Variants in CDKAL1 observed in about 807,000 individuals in gnomAD.
The protein encoded by CDKAL1 is threonylcarbamoyladenosine tRNA methylthiotransferase.
Under a neutral mutation model 68.2 loss-of-function variants are expected in CDKAL1, and 32 were observed. The observed-to-expected ratio is 0.47, with a 90% CI of 0.35 to 0.63. The LOEUF (loss-of-function observed/expected upper bound fraction) is 0.63. Ranked by LOEUF, CDKAL1 falls within the 30% of genes least tolerant of loss-of-function variation. The pLI, the probability that CDKAL1 is intolerant of heterozygous loss-of-function variation, is 0.00. For synonymous variants in CDKAL1, 234 were observed against 244.3 expected, an observed-to-expected ratio of 0.96 and a Z score of 0.39; for missense variants, 606 against 696.7, an observed-to-expected ratio of 0.87 and a Z score of 1.47.
At chr6:20,922,625 C>A (rs967377158) in intron 9 of CDKAL1, among the ~76,000 whole-genome samples, 1 of 152,160 alleles carries the variant, frequency 6.6e-6, no homozygotes, top group Non-Finnish European at 1.5e-5. Context: ...CATTATTAAG[C>A]TTTAATCGAG....
intron 10 of CDKAL1, among the ~76,000 whole-genome samples, chr6:20,969,200 T>C (rs1344573406): frequency 6.6e-6 from 1 of 152,170 alleles, no homozygotes; most frequent in African/African-American, 2.4e-5. Flanking sequence ...TCCAAAAGTT[T>C]ACTAATAGCC....
chr6:20,875,009 A>G (rs114443407), intron 9 of CDKAL1, among the ~76,000 whole-genome samples: 2,020 of 151,846 alleles, frequency 0.013, 32 homozygotes, highest in African/African-American at 0.046. Context: ...AGAATAAATA[A>G]TGTCTAGCAG....
intron 12 of CDKAL1, among the ~76,000 whole-genome samples, chr6:21,086,964 T>G (rs2150964080): frequency 1.3e-5 from 2 of 152,328 alleles, no homozygotes; most frequent in Middle Eastern, 3.4e-3. Flanking sequence ...TATCAAGCAT[T>G]GGTTAAAATG....
chr6:20,613,010 C>T, intron 4 of CDKAL1, among the ~76,000 whole-genome samples: 1 of 145,888 alleles, frequency 6.9e-6, no homozygotes, highest in East Asian at 2.0e-4. Context: ...CACACACACA[C>T]ACACACACAC....
chr6:20,831,294 C>G (rs1156340792), intron 8 of CDKAL1, among the ~76,000 whole-genome samples: 2 of 152,124 alleles, frequency 1.3e-5, no homozygotes, highest in Non-Finnish European at 1.5e-5. Context: ...AAACAGTCGT[C>G]AAGATACTTA....
At chr6:21,072,534 G>A (rs542108284) in intron 12 of CDKAL1, among the ~76,000 whole-genome samples, 15 of 115,110 alleles carry the variant, frequency 1.3e-4, no homozygotes, top group African/African-American at 4.9e-4. Flanking sequence ...TAGCCTGGGC[G>A]ACTGAGCGAG....
chr6:20,824,342 T>TA (rs1419327031), intron 8 of CDKAL1, among the ~76,000 whole-genome samples: 2 of 152,164 alleles, frequency 1.3e-5, no homozygotes, highest in African/African-American at 4.8e-5. Flanking sequence ...ACACATTTAT[T>TA]ATCTCACAGC....
chr6:20,840,000 T>C (rs1778110447), intron 8 of CDKAL1, among the ~76,000 whole-genome samples: 1 of 152,224 alleles, frequency 6.6e-6, no homozygotes, highest in Admixed American at 6.5e-5. Flanking sequence ...CAACTAATCA[T>C]GTATTCTTAC....
rs68174523 is a variant in CDKAL1 at position 20,941,096 on chromosome 6, GA to G, written c.743-14309del. 9.9e-3 allele frequency among the ~76,000 whole-genome samples: 1,126 copies of G among 113,470 alleles called. 10 individuals are homozygous for G. The highest frequency in any genetic ancestry group is 0.086 in the Middle Eastern group (19 of 220). The allele number at this position is 113,470 out of a possible 152,430, so 74.4% of individuals were successfully genotyped here. A position where few individuals can be genotyped will look rare whatever the true frequency, so the allele number is the denominator to read the frequency against. On this transcript the variant is annotated intron_variant, in intron 9 of 15. Coordinates refer to ENST00000274695, the MANE Select transcript of CDKAL1 (RefSeq NM_017774.3). ...ACGGAGCAAGACTCCATCTCAAAAA[GA>G]AAAAAAAAAAAAAGCACATCTTAGT...
chr6:20,821,326 C>T (rs558127115), intron 8 of CDKAL1, among the ~76,000 whole-genome samples: 1 of 152,096 alleles, frequency 6.6e-6, no homozygotes, highest in African/African-American at 2.4e-5. Flanking sequence ...CTAGATGAGA[C>T]ATGGTGGAAA....
At chr6:21,038,530 A>T (rs1293148795) in intron 11 of CDKAL1, among the ~76,000 whole-genome samples, 2 of 152,208 alleles carry the variant, frequency 1.3e-5, no homozygotes, top group Non-Finnish European at 2.9e-5. Context: ...TTTTTGTACC[A>T]ATCTGAAATT....
At chr6:21,076,586 G>A (rs1772088177) in intron 12 of CDKAL1, among the ~76,000 whole-genome samples, 1 of 152,146 alleles carries the variant, frequency 6.6e-6, no homozygotes, top group East Asian at 1.9e-4. Flanking sequence ...TATTTACTCA[G>A]TGTCAGATTT....
At chr6:20,593,700 A>G (rs553904236) in intron 4 of CDKAL1, among the ~76,000 whole-genome samples, 25 of 147,840 alleles carry the variant, frequency 1.7e-4, no homozygotes, top group Non-Finnish European at 3.6e-4. Context: ...GATCTTAGTT[A>G]TTTCTTGTCT....
At chr6:20,866,443 GA>G (rs200431620) in intron 9 of CDKAL1, among the ~76,000 whole-genome samples, 131 of 151,896 alleles carry the variant, frequency 8.6e-4, no homozygotes, top group Non-Finnish European at 1.5e-3. Flanking sequence ...AATACACTCA[GA>G]AAAAAAACTG....
intron 10 of CDKAL1, among the ~76,000 whole-genome samples, chr6:20,983,458 C>T (rs554661150): frequency 5.3e-5 from 8 of 152,290 alleles, no homozygotes; most frequent in East Asian, 3.9e-4. Context: ...CAGTGGCTCA[C>T]GCCTGTGGTC....
At chr6:20,690,649 T>G (rs964084332) in intron 5 of CDKAL1, among the ~76,000 whole-genome samples, 186 of 152,184 alleles carry the variant, frequency 1.2e-3, no homozygotes, top group African/African-American at 4.3e-3. Flanking sequence ...TTTTTTTATA[T>G]TTTTTTGATT....
intron 4 of CDKAL1, among the ~76,000 whole-genome samples, chr6:20,624,951 G>C (rs1157233366): frequency 6.6e-6 from 1 of 152,066 alleles, no homozygotes; most frequent in Non-Finnish European, 1.5e-5. Flanking sequence ...CAGGTCATAT[G>C]ATTGTGGTTT....
intron 9 of CDKAL1, among the ~76,000 whole-genome samples, chr6:20,848,032 G>T (rs939914010): frequency 1.5e-4 from 23 of 152,182 alleles, no homozygotes; most frequent in Non-Finnish European, 4.4e-5. Context: ...TGGTCAGTCT[G>T]ATTGGTTGTA....
Position 20,546,496 on chromosome 6 carries a change from AG to A in CDKAL1, c.148del (p.Glu50LysfsTer38), listed in dbSNP as rs750985846. 6 of 1,614,060 alleles carry A rather than the reference AG, an allele frequency of 3.7e-6. No homozygotes were observed. The highest frequency in any genetic ancestry group is 5.1e-6 in the Non-Finnish European group (6 of 1,179,972). Reference protein sequence around the residue: ...RRRNTQKYLQEEENSPPSDST... With the variant: ...RRRNTQKYLQXEENSPPSDST... ...CGAAATACCCAAAAATATTTGCAAGAGGAAGAAAACAGTCCACCAAGTGACA... is the reference window on the plus strand; with the variant it reads ...CGAAATACCCAAAAATATTTGCAAGAGAAGAAAACAGTCCACCAAGTGACA... On this transcript the variant is annotated frameshift_variant, in exon 3 of 16. Transcript: ENST00000274695. LOFTEE classifies it high-confidence loss of function.
Sources: allele counts gnomAD v4.1 joint callset (sites outside exome capture counted in the v4.1 genomes callset), GRCh38; gene constraint gnomAD v4.1.1; transcripts MANE v1.5; gene names NCBI Gene and HGNC (gene_info 2026-07-23, HGNC 2026-07-21).